EEF1G: variants seen among roughly 807,000 people sequenced by gnomAD.
EEF1G encodes the protein eukaryotic translation elongation factor 1 gamma.
A neutral mutation model predicts 58.3 loss-of-function variants in EEF1G; 14 were observed. That is an observed-to-expected ratio of 0.24 (90% confidence interval 0.16 to 0.38). EEF1G has a LOEUF of 0.38. Ranked by LOEUF, EEF1G falls within the 10% of genes least tolerant of loss-of-function variation. The pLI is 1.00. For synonymous variants in EEF1G, 180 were observed against 206.8 expected (o/e 0.87, Z 1.11); for missense variants, 322 against 550.1 (o/e 0.59, Z 4.15).
chr11:62,572,366 A>T (rs1941644830), intron 2 of EEF1G, among the ~76,000 whole-genome samples: 1 of 152,220 alleles, frequency 6.6e-6, no homozygotes, highest in Admixed American at 6.5e-5. Context: ...TCTCTTTCCC[A>T]CAAAGTAAAC....
chr11:62,565,841 T>C (rs947677435), intron 7 of EEF1G, among the ~76,000 whole-genome samples: 1 of 152,192 alleles, frequency 6.6e-6, no homozygotes, highest in Non-Finnish European at 1.5e-5. Flanking sequence ...GCAATGCTTG[T>C]AATTCACAAT....
chr11:62,563,394 C>T (rs1023669210), intron 7 of EEF1G, among the ~76,000 whole-genome samples: 2 of 152,092 alleles, frequency 1.3e-5, no homozygotes, highest in Non-Finnish European at 2.9e-5. Context: ...CCTCAGCCTC[C>T]CAAAGTGCTG....
At chr11:62,560,013 T>G in intron 9 of EEF1G, 56 bp downstream of exon 9, 1 of 1,611,446 alleles carries the variant, frequency 6.2e-7, no homozygotes, top group Non-Finnish European at 8.5e-7. Context: ...TAAAACACAG[T>G]GCTTCTTATA....
chr11:62,565,881 T>C (rs2134292843), intron 7 of EEF1G, among the ~76,000 whole-genome samples: 1 of 152,276 alleles, frequency 6.6e-6, no homozygotes, highest in African/African-American at 2.4e-5. Context: ...TCCCTACCAG[T>C]GGGTGCTCCT....
At chr11:62,573,454 G>C (rs911508679) in intron 1 of EEF1G, 57 of 312,556 alleles carry the variant, frequency 1.8e-4, no homozygotes, top group African/African-American at 1.2e-3. Flanking sequence ...GTGCCAGCCG[G>C]ACCTGCCTAC....
Position 62,569,556 on chromosome 11 carries a change from A to G in EEF1G, c.522+1409T>C, listed in dbSNP as rs930418996. On this transcript the variant is annotated intron_variant, in intron 5 of 9. Transcript: ENST00000329251. ...GTGTATTAAGCATGGTCAAAGAAAAATAAGAATAAACAGCTTCAGGTAGAA... is the reference window on the plus strand; with the variant it reads ...GTGTATTAAGCATGGTCAAAGAAAAGTAAGAATAAACAGCTTCAGGTAGAA... 2.6e-5 allele frequency among the ~76,000 whole-genome samples: 4 copies of G among 152,248 alleles called. No homozygotes were observed. The East Asian group carries it at 7.7e-4, about 29-fold the overall frequency.
Position 62,559,639 on chromosome 11 carries a change from G to C in EEF1G, c.*40C>G. ...TTCCTTTAATGACCCCCATCTCCCT[G>C]AAGGGCAGGTGCAGGCAGCTAGGTG... On this transcript the variant is annotated 3_prime_UTR_variant, in exon 10 of 10. Transcript: ENST00000329251. 6.2e-7 allele frequency: 1 copy of C among 1,609,936 alleles called. No individual in the cohort carries two copies.
chr11:62,567,628 T>A, intron 5 of EEF1G, 100 bp from the exon 6 acceptor site: 1 of 1,237,614 alleles, frequency 8.1e-7, no homozygotes, highest in Non-Finnish European at 1.1e-6. Flanking sequence ...AGTGCTCACC[T>A]TCTTTTCAAA....
At chr11:62,568,320 G>A (rs973416693) in intron 5 of EEF1G, among the ~76,000 whole-genome samples, 10 of 149,260 alleles carry the variant, frequency 6.7e-5, no homozygotes, top group South Asian at 2.1e-4. Flanking sequence ...CCCAGGAGGT[G>A]GAGGTTGCAG....
chr11:62,562,242 C>T, intron 7 of EEF1G, among the ~76,000 whole-genome samples: 1 of 152,118 alleles, frequency 6.6e-6, no homozygotes, highest in Non-Finnish European at 1.5e-5. Flanking sequence ...CTTCCTAAAC[C>T]AAGGTATAAA....
intron 5 of EEF1G, among the ~76,000 whole-genome samples, chr11:62,568,517 A>T (rs1941584466): frequency 6.6e-6 from 1 of 151,682 alleles, no homozygotes; most frequent in Non-Finnish European, 1.5e-5. Flanking sequence ...ATTACCCGTG[A>T]GCCACCACAC....
In EEF1G at chr11:62,572,232, G is replaced by C. The variant is rs529321916; in HGVS notation, c.172-331C>G. On this transcript the variant is annotated intron_variant, in intron 2 of 9. Transcript: ENST00000329251. Reference sequence around the variant, plus strand: ...TTAGTGTGTGACCCAGACCCACACAGCACTTCATCTCCTCCATTCTTAGCA... The same window carrying C: ...TTAGTGTGTGACCCAGACCCACACACCACTTCATCTCCTCCATTCTTAGCA... 3.3e-5 allele frequency among the ~76,000 whole-genome samples: 5 copies of C among 152,232 alleles called. No homozygotes were observed. The South Asian group carries it at 1.0e-3, about 32-fold the overall frequency.
rs771935705 is a variant in EEF1G at position 62,573,858 on chromosome 11, A to T, written c.-16T>A. 7.3e-5 allele frequency: 118 copies of T among 1,613,618 alleles called. No homozygotes were observed. The highest frequency in any genetic ancestry group is 9.6e-5 in the Non-Finnish European group (113 of 1,179,846). On this transcript the variant is annotated 5_prime_UTR_variant, in exon 1 of 10. Transcript: ENST00000329251. ...CAGCCGCCATGGTGATTCCGCAAAG[A>T]AAGGGGGTGGGGTTCTCGGCGCTGC... is the stretch of plus-strand genomic sequence containing the variant.
rs1465875412 is a variant in EEF1G, at chr11:62,571,835, T to C, written c.235+3A>G. On this transcript the variant is annotated splice_donor_region_variant and intron_variant, in intron 3 of 9. Coordinates refer to ENST00000329251, the MANE Select transcript of EEF1G (RefSeq NM_001404.5). ...CCCATTCCCATATACCCCTGCAAAT[T>C]ACCATAGTAGGCAATGGCGTTGCTC... 1.3e-6 allele frequency: 2 copies of C among 1,587,202 alleles called. No individual in the cohort carries two copies. The highest frequency in any genetic ancestry group is 2.3e-5 in the South Asian group (2 of 86,490).
Position 62,570,955 on chromosome 11 carries a change from TA to T in EEF1G, c.522+9del. ...TACCCACTGCCAAATGGATTTTCCA[TA>T]AACTTCACCTGCTTATAGAGCCACA... On this transcript the variant is annotated intron_variant, in intron 5 of 9. Transcript: ENST00000329251. 1 of 1,613,764 alleles carries T rather than the reference TA, an allele frequency of 6.2e-7. No homozygotes were observed. The highest frequency in any genetic ancestry group is 8.5e-7 in the Non-Finnish European group (1 of 1,179,734).
At chr11:62,573,499 C>T (rs1941663304) in intron 1 of EEF1G, 1 of 475,930 alleles carries the variant, frequency 2.1e-6, no homozygotes, top group South Asian at 2.5e-5. Context: ...CCCTGTGTTA[C>T]TCCACAAAAC....
intron 5 of EEF1G, among the ~76,000 whole-genome samples, chr11:62,569,415 A>C (rs780390634): frequency 1.3e-5 from 2 of 152,216 alleles, no homozygotes; most frequent in Non-Finnish European, 2.9e-5. Flanking sequence ...TGGAGGTTGC[A>C]ATGAGCCAAG....
chr11:62,565,617 A>G (rs1018569650), intron 7 of EEF1G, among the ~76,000 whole-genome samples: 7 of 152,218 alleles, frequency 4.6e-5, no homozygotes, highest in Non-Finnish European at 1.5e-5. Context: ...ACAACACAAT[A>G]TGTAATTTGG....
intron 2 of EEF1G, 98 bp downstream of exon 2, chr11:62,572,486 G>A (rs1590712106): frequency 1.4e-6 from 2 of 1,459,734 alleles, no homozygotes; most frequent in Non-Finnish European, 1.9e-6. Context: ...AACAACATGG[G>A]AAGCTCCCTT....
Sources: gnomAD v4.1 joint callset for allele counts (sites outside exome capture counted in the v4.1 genomes callset) on GRCh38, gnomAD v4.1.1 for gene constraint, MANE v1.5 for transcripts, NCBI Gene and HGNC (gene_info 2026-07-23, HGNC 2026-07-21) for gene names.